LRBA: variants seen among roughly 807,000 people sequenced by gnomAD.
LRBA encodes LPS responsive beige-like anchor protein.
Under a neutral mutation model 330.0 loss-of-function variants are expected in LRBA, and 176 were observed. The observed-to-expected ratio is 0.53, with a 90% CI of 0.47 to 0.60. The LOEUF (loss-of-function observed/expected upper bound fraction) is 0.60, where lower values mean the gene tolerates loss of function less well. Among genes scored for constraint, LRBA ranks in the 20% least tolerant of loss-of-function variants. LRBA has a pLI of 0.00. For synonymous variants in LRBA, 1,230 were observed against 1,193.0 expected (o/e 1.03, Z -0.64); for missense variants, 3,259 against 3,444.8 (o/e 0.95, Z 1.35).
rs569850666 is a variant in LRBA at position 150,562,551 on chromosome 4, G to A, written c.6330+25497C>T. Among the ~76,000 whole-genome samples the A allele has an allele frequency of 2.2e-4, 34 of 152,226 alleles. No individual in the cohort carries two copies. In the South Asian group the frequency reaches 6.4e-3, roughly 29 times the overall value. ...TTTAGAGGACAGAGGAGAAAGTAAG[G>A]TCTTAACCTCCTGGTATGCAAATTA... is the stretch of plus-strand genomic sequence containing the variant. On this transcript the variant is annotated intron_variant, in intron 40 of 56. Coordinates refer to ENST00000651943, the MANE Select transcript of LRBA (RefSeq NM_001364905.1).
intron 2 of LRBA, among the ~76,000 whole-genome samples, chr4:150,997,175 G>A (rs1742749409): frequency 6.6e-6 from 1 of 152,164 alleles, no homozygotes. Flanking sequence ...AATAAAGTCA[G>A]TGTCTAACAA....
chr4:150,395,540 G>A (rs1010062642), intron 47 of LRBA, among the ~76,000 whole-genome samples: 1 of 151,976 alleles, frequency 6.6e-6, no homozygotes, highest in Non-Finnish European at 1.5e-5. Flanking sequence ...GCTTGAGTCC[G>A]ATACTCACAC....
chr4:150,936,725 C>T (rs1390194236), intron 2 of LRBA, among the ~76,000 whole-genome samples: 5 of 151,944 alleles, frequency 3.3e-5, no homozygotes, highest in African/African-American at 1.2e-4. Context: ...AAGACAGAAA[C>T]TAAACCTTGT....
chr4:150,425,758 A>G (rs564467731), intron 46 of LRBA, among the ~76,000 whole-genome samples: 8 of 152,156 alleles, frequency 5.3e-5, no homozygotes, highest in Non-Finnish European at 8.8e-5. Flanking sequence ...CAAGATAATC[A>G]AAATAGAAAT....
At chr4:150,987,579 A>G (rs1324603116) in intron 2 of LRBA, among the ~76,000 whole-genome samples, 4 of 151,984 alleles carry the variant, frequency 2.6e-5, no homozygotes, top group African/African-American at 9.7e-5. Flanking sequence ...GGTGGCAGGC[A>G]CCTGTAATCC....
In LRBA at chr4:150,900,163, TG is replaced by T; in HGVS notation, c.1809del (p.Asn603LysfsTer19). On this transcript the variant is annotated frameshift_variant, in exon 14 of 57. Coordinates refer to ENST00000651943, the MANE Select transcript of LRBA (RefSeq NM_001364905.1). LOFTEE classifies it high-confidence loss of function. ...CCAACTCTCCGAATGGTGTTATATATGTTGACTGTACCAATGAATTCCGTGG... is the reference window on the plus strand; with the variant it reads ...CCAACTCTCCGAATGGTGTTATATATTTGACTGTACCAATGAATTCCGTGG... ...YLSTEFIGTV[N>X]IYNTIRRVGT... The T allele has an allele frequency of 6.2e-7, 1 of 1,613,170 alleles. No homozygotes were observed. The highest frequency in any genetic ancestry group is 1.3e-5 in the African/African-American group (1 of 74,996).
intron 22 of LRBA, among the ~76,000 whole-genome samples, chr4:150,864,150 A>G (rs1039563624): frequency 6.6e-6 from 1 of 151,870 alleles, no homozygotes; most frequent in Admixed American, 6.6e-5. Context: ...GTTGGCCAGG[A>G]TGATCTCAAT....
chr4:150,554,773 G>A (rs1004025527), intron 40 of LRBA, among the ~76,000 whole-genome samples: 12 of 151,904 alleles, frequency 7.9e-5, no homozygotes, highest in African/African-American at 2.9e-4. Context: ...TATTACCAAG[G>A]AGGCTTTTCA....
intron 56 of LRBA, among the ~76,000 whole-genome samples, chr4:150,269,564 T>C (rs2126701194): frequency 6.6e-6 from 1 of 152,332 alleles, no homozygotes; most frequent in Admixed American, 6.5e-5. Context: ...TGACCTTGGA[T>C]TTTGCAGTGG....
At chr4:150,477,759 C>T (rs1756876547) in intron 42 of LRBA, among the ~76,000 whole-genome samples, 1 of 151,778 alleles carries the variant, frequency 6.6e-6, no homozygotes. Context: ...GTGTGACAAC[C>T]CCCCTCCCCG....
intron 51 of LRBA, among the ~76,000 whole-genome samples, chr4:150,311,646 G>A (rs554229505): frequency 3.3e-5 from 5 of 152,238 alleles, no homozygotes; most frequent in African/African-American, 7.2e-5. Context: ...TAATGTCTGT[G>A]GACACAACCA....
At chr4:150,295,225 A>T (rs1239895263) in intron 53 of LRBA, among the ~76,000 whole-genome samples, 11 of 130,204 alleles carry the variant, frequency 8.4e-5, no homozygotes, top group Non-Finnish European at 1.7e-4. Flanking sequence ...TTTTTAAGAC[A>T]GGGTCTCACT....
chr4:150,754,265 A>AAATAAATAAGAATAAAAAAAAAAAGTACT (rs1733960137), intron 35 of LRBA, among the ~76,000 whole-genome samples: 1 of 151,882 alleles, frequency 6.6e-6, no homozygotes, highest in African/African-American at 2.4e-5. Context: ...AAAATAAATA[A>AAATAAATAAGAATAAAAAAAAAAAGTACT]GAAACATATG....
chr4:150,313,722 T>C (rs1731356863), intron 51 of LRBA, among the ~76,000 whole-genome samples: 1 of 151,810 alleles, frequency 6.6e-6, no homozygotes, highest in Non-Finnish European at 1.5e-5. Flanking sequence ...ACCAGAAGTG[T>C]TTTAGATTTC....
intron 40 of LRBA, among the ~76,000 whole-genome samples, chr4:150,492,270 T>C (rs1443857405): frequency 1.3e-5 from 2 of 151,422 alleles, no homozygotes; most frequent in Non-Finnish European, 2.9e-5. Flanking sequence ...CACCACAGAA[T>C]CTAGAAATAG....
At chr4:150,558,797 T>C (rs1432127675) in intron 40 of LRBA, among the ~76,000 whole-genome samples, 1 of 152,234 alleles carries the variant, frequency 6.6e-6, no homozygotes, top group African/African-American at 2.4e-5. Context: ...TTTGTATTTA[T>C]ATTAAGCTAA....
intron 36 of LRBA, among the ~76,000 whole-genome samples, chr4:150,710,978 G>T (rs1023932334): frequency 3.3e-5 from 5 of 151,818 alleles, no homozygotes; most frequent in Non-Finnish European, 5.9e-5. Context: ...GCAAGTTCAT[G>T]ACCACAGATT....
intron 2 of LRBA, among the ~76,000 whole-genome samples, chr4:150,980,665 G>A (rs1207284978): frequency 6.6e-6 from 1 of 151,884 alleles, no homozygotes; most frequent in East Asian, 1.9e-4. Context: ...GAAGGGGAAG[G>A]GGAATCCAAA....
chr4:150,285,857 C>A, intron 54 of LRBA, 76 bp downstream of exon 54: 1 of 880,314 alleles, frequency 1.1e-6, no homozygotes, highest in Non-Finnish European at 1.6e-6. Flanking sequence ...AAAAAGGTAC[C>A]AAATTAATCT....
Sources: gnomAD v4.1 joint callset for allele counts (sites outside exome capture counted in the v4.1 genomes callset) on GRCh38, gnomAD v4.1.1 for gene constraint, MANE v1.5 for transcripts, NCBI Gene and HGNC (gene_info 2026-07-23, HGNC 2026-07-21) for gene names.